The following SNX21 variants were observed in gnomAD, a reference collection of about 807,000 sequenced individuals.
SNX21 encodes the protein sorting nexin-21.
Under a neutral mutation model 30.9 loss-of-function variants are expected in SNX21, and 36 were observed. The observed-to-expected ratio is 1.16, with a 90% CI of 0.89 to 1.54. SNX21 has a LOEUF of 1.54. Ranked by LOEUF, SNX21 falls within the 40% of genes most tolerant of loss-of-function variation. The pLI, the probability that SNX21 is intolerant of heterozygous loss-of-function variation, is 0.00. For synonymous variants in SNX21, 218 were observed against 222.7 expected (o/e 0.98, Z 0.19); for missense variants, 508 against 516.5 (o/e 0.98, Z 0.16).
At chr20:45,838,626 C>A (rs911990027) in intron 3 of SNX21, among the ~76,000 whole-genome samples, 1 of 151,798 alleles carries the variant, frequency 6.6e-6, no homozygotes. Flanking sequence ...TGGTGGTAGG[C>A]GCCTGTAATC....
chr20:45,841,129 T>G lies in SNX21; in HGVS notation c.938T>G (p.Leu313Arg), dbSNP rs555164547. The change falls in exon 4 of 4, where the codon CTT becomes CGT. Residue 313 changes from leucine to arginine, a missense_variant. Physicochemically the swap from Leu to Arg is moderately radical, Grantham distance 102. Transcript: ENST00000491381. Reference protein sequence around the residue: ...RACCEKALQLLGDKSLHPLLA... With the variant: ...RACCEKALQLRGDKSLHPLLA... ...TGCTGTGAGAAGGCCCTGCAGCTGC[T>G]TGGGGACAAGAGCCTCCACCCTTTG... The G allele has an allele frequency of 6.2e-6, 10 of 1,612,074 alleles. No individual in the cohort carries two copies. In the Admixed American group the frequency reaches 1.0e-4, roughly 16 times the overall value.
chr20:45,833,940 G>T lies in SNX21; in HGVS notation c.21G>T (p.Glu7Asp). The T allele has an allele frequency of 6.9e-7, 1 of 1,440,850 alleles. No homozygotes were observed. Among genetic ancestry groups the T allele is most frequent in the Middle Eastern group, 2.1e-4 (1 of 4,786 alleles). 89.3% of individuals were successfully genotyped at this position (1,440,850 alleles called of 1,614,324 possible). Residue 7 changes from glutamate to aspartate, a missense_variant and splice_region_variant, in exon 1 of 4, where the codon GAG (glutamate) becomes GAT (aspartate). Coordinates refer to ENST00000491381, the MANE Select transcript of SNX21 (RefSeq NM_033421.4). The part of the protein sequence containing the change: MHRGTQ[E>D]GAMASRLLHR... ...CCTGAATGCACCGTGGGACGCAGGA[G>T]GTAGAGGCGCACGAGGCGGCGCAAG...
Position 45,842,139 on chromosome 20 carries a change from C to T in SNX21, c.*826C>T, listed in dbSNP as rs1216495383. On this transcript the variant is annotated 3_prime_UTR_variant, in exon 4 of 4. Coordinates refer to ENST00000491381, the MANE Select transcript of SNX21 (RefSeq NM_033421.4). Reference sequence around the variant, plus strand: ...TACAGGCGCACATCACCATGCCCAACCTCCAAGTGGACTTCTTGCAAAGGG... The same window carrying T: ...TACAGGCGCACATCACCATGCCCAATCTCCAAGTGGACTTCTTGCAAAGGG... 4 of 1,529,636 alleles carry T rather than the reference C, an allele frequency of 2.6e-6. No individual in the cohort carries two copies. The African/African-American group carries it at 5.5e-5, about 21-fold the overall frequency. 94.8% of individuals were successfully genotyped at this position (1,529,636 alleles called of 1,614,324 possible). A position where few individuals can be genotyped will look rare whatever the true frequency, so the allele number is the denominator to read the frequency against.
At position 45,834,421 on chromosome 20, in the gene SNX21, G is replaced by A. The variant is rs765279296; in HGVS notation, c.242G>A (p.Gly81Asp). 9 of 1,606,330 alleles carry A rather than the reference G, an allele frequency of 5.6e-6. No individual in the cohort carries two copies. The highest frequency in any genetic ancestry group is 5.1e-6 in the Non-Finnish European group (6 of 1,179,028). ...DDEDEDDEEAGPDQLPLGDGT... is the reference protein window; with the variant it reads ...DDEDEDDEEADPDQLPLGDGT... ...GAGGACGAGGACGACGAGGAGGCTG[G>A]CCCTGACCAGCTGCCCCTCGGGGAT... The change falls in exon 2 of 4, where the codon GGC becomes GAC. Residue 81 changes from glycine to aspartate, a missense_variant. Gly to Asp is a moderately conservative substitution (Grantham distance 94). Coordinates refer to ENST00000491381, the MANE Select transcript of SNX21 (RefSeq NM_033421.4).
chr20:45,834,160 T>A (rs1192574844), intron 1 of SNX21, 41 bp from the exon 2 acceptor site: 2 of 1,448,466 alleles, frequency 1.4e-6, no homozygotes, highest in Admixed American at 2.7e-5. Context: ...GGGGTACCCC[T>A]CCTCCGGGAT....
In SNX21 at chr20:45,835,030, AAGT is replaced by A. The variant is rs1983406694; in HGVS notation, c.362_364del (p.Lys121_Ser122delinsThr). ...GCGGCAGCTGCAGGATTTCTGGAAGAAGTCCCGGAACACCTTGGCACCCCAGCG... is the reference window on the plus strand; with the variant it reads ...GCGGCAGCTGCAGGATTTCTGGAAGACCCGGAACACCTTGGCACCCCAGCG... On this transcript the variant is annotated inframe_deletion, in exon 3 of 4. Transcript: ENST00000491381. 6.2e-7 allele frequency: 1 copy of A among 1,614,082 alleles called. No individual in the cohort carries two copies. The highest frequency in any genetic ancestry group is 1.1e-5 in the South Asian group (1 of 91,088).
chr20:45,840,180 C>A (rs1983926336), intron 3 of SNX21: 1 of 1,369,452 alleles, frequency 7.3e-7, no homozygotes, highest in African/African-American at 1.5e-5. Context: ...TGGCTATCTA[C>A]AGACCTGTCC....
chr20:45,840,285 G>C, intron 3 of SNX21: 1 of 1,508,564 alleles, frequency 6.6e-7, no homozygotes, highest in Non-Finnish European at 8.8e-7. Flanking sequence ...AGCCCCAAGA[G>C]ATTGGCTGGG....
chr20:45,835,203 TA>T, intron 3 of SNX21, 87 bp downstream of exon 3: 1 of 1,409,926 alleles, frequency 7.1e-7, no homozygotes, highest in Non-Finnish European at 9.5e-7. Flanking sequence ...CTGAGGGGTC[TA>T]TGTAGTTATA....
At chr20:45,836,490 CAAA>C (rs74176824) in intron 3 of SNX21, among the ~76,000 whole-genome samples, 1,320 of 51,248 alleles carry the variant, frequency 0.026, 16 homozygotes, top group African/African-American at 0.087. Context: ...GACTCCGTCT[CAAA>C]AAAAAAAAAA....
At position 45,842,936 on chromosome 20, in the gene SNX21, G is replaced by A; in HGVS notation, c.*1623G>A. ...CCCTTGGAAAGGAGGTCAGGGTTCT[G>A]AAGCTAGACATTGATGAACGAGTCT... is the stretch of plus-strand genomic sequence containing the variant. On this transcript the variant is annotated 3_prime_UTR_variant, in exon 4 of 4. Coordinates refer to ENST00000491381, the MANE Select transcript of SNX21 (RefSeq NM_033421.4). 4.0e-6 allele frequency: 4 copies of A among 1,010,056 alleles called. No individual in the cohort carries two copies. The highest frequency in any genetic ancestry group is 5.1e-4 in the Middle Eastern group (1 of 1,972). 62.6% of individuals were successfully genotyped at this position (1,010,056 alleles called of 1,614,324 possible). A position where few individuals can be genotyped will look rare whatever the true frequency, so the allele number is the denominator to read the frequency against.
intron 1 of SNX21, 93 bp from the exon 2 acceptor site, chr20:45,834,108 T>C: frequency 7.1e-7 from 1 of 1,411,988 alleles, no homozygotes; most frequent in Non-Finnish European, 9.2e-7. Flanking sequence ...CGCCCCTCCC[T>C]CTCCGGTTCG....
chr20:45,835,762 T>C (rs1172942781), intron 3 of SNX21, among the ~76,000 whole-genome samples: 1 of 152,212 alleles, frequency 6.6e-6, no homozygotes, highest in Non-Finnish European at 1.5e-5. Context: ...TGTGTCCTTA[T>C]AACGCACAGG....
chr20:45,840,476 T>C (rs1238942616), intron 3 of SNX21, 163 bp from the exon 4 acceptor site: 1 of 1,614,112 alleles, frequency 6.2e-7, no homozygotes, highest in Non-Finnish European at 8.5e-7. Flanking sequence ...GGGACTGGGC[T>C]TCCCCGCCAC....
chr20:45,839,966 C>T (rs923000536), intron 3 of SNX21: 1 of 164,138 alleles, frequency 6.1e-6, no homozygotes, highest in African/African-American at 2.4e-5. Flanking sequence ...CTCTAGTGCA[C>T]ACCACCTAAA....
At position 45,834,423 on chromosome 20, in the gene SNX21, C is replaced by A; in HGVS notation, c.244C>A (p.Pro82Thr). ...GGACGAGGACGACGAGGAGGCTGGC[C>A]CTGACCAGCTGCCCCTCGGGGATGG... ...DEDEDDEEAGPDQLPLGDGTS... is the reference protein window; with the variant it reads ...DEDEDDEEAGTDQLPLGDGTS... The change falls in exon 2 of 4, where the codon CCT becomes ACT. Residue 82 changes from proline (P) to threonine (T), a missense_variant. Physicochemically the swap from Pro to Thr is conservative, Grantham distance 38. Transcript: ENST00000491381. The A allele has an allele frequency of 6.2e-7, 1 of 1,606,788 alleles. No homozygotes were observed. Among genetic ancestry groups the A allele is most frequent in the African/African-American group, 1.3e-5 (1 of 75,038 alleles).
In SNX21 at chr20:45,834,481, G is replaced by T; in HGVS notation, c.289+13G>T. On this transcript the variant is annotated intron_variant, in intron 2 of 3. Coordinates refer to ENST00000491381, the MANE Select transcript of SNX21 (RefSeq NM_033421.4). Reference sequence around the variant, plus strand: ...GGAGAAGACGCAGGCGAGTGCAGGAGGACGGAGGCGGGAACCCTGGGGCTC... The same window carrying T: ...GGAGAAGACGCAGGCGAGTGCAGGATGACGGAGGCGGGAACCCTGGGGCTC... The T allele has an allele frequency of 6.3e-7, 1 of 1,588,522 alleles. No homozygotes were observed.
At position 45,834,708 on chromosome 20, in the gene SNX21, AATGTACAGGGC is replaced by A. The variant is rs139250484; in HGVS notation, c.289+241_290-240del. The A allele has an allele frequency of 4.8e-3, 3,201 of 663,952 alleles. 81 individuals carry two copies. In the African/African-American group the frequency reaches 0.052, roughly 11 times the overall value. The allele number at this position is 663,952 out of a possible 1,614,324, so 41.1% of individuals were successfully genotyped here. ...CATCTCAGAATTGCTGCAGGCATTA[AATGTACAGGGC>A]TTGGGATCCGAATGGAAATGATGTA... is the stretch of plus-strand genomic sequence containing the variant. On this transcript the variant is annotated intron_variant, in intron 2 of 3. Coordinates refer to ENST00000491381, the MANE Select transcript of SNX21 (RefSeq NM_033421.4).
In SNX21 at chr20:45,842,023, CCT is replaced by C; in HGVS notation, c.*711_*712del. On this transcript the variant is annotated 3_prime_UTR_variant, in exon 4 of 4. Transcript: ENST00000491381. Reference sequence around the variant, plus strand: ...AGCCAAATACACTTTTTTTTTTTTTCCTGAAACAGAGTCTCACTAAGTTGCCA... The same window carrying C: ...AGCCAAATACACTTTTTTTTTTTTTCGAAACAGAGTCTCACTAAGTTGCCA... 1.3e-6 allele frequency: 2 copies of C among 1,563,156 alleles called. No homozygotes were observed. Among genetic ancestry groups the C allele is most frequent in the Non-Finnish European group, 1.7e-6 (2 of 1,156,876 alleles).
Sources: gnomAD v4.1 joint callset for allele counts (sites outside exome capture counted in the v4.1 genomes callset) on GRCh38, gnomAD v4.1.1 for gene constraint, MANE v1.5 for transcripts, NCBI Gene and HGNC (gene_info 2026-07-23, HGNC 2026-07-21) for gene names.